DOK7: variants seen among roughly 807,000 people sequenced by gnomAD.
DOK7 encodes the protein protein Dok-7.
A neutral mutation model predicts 30.7 loss-of-function variants in DOK7; 32 were observed. That is an observed-to-expected ratio of 1.04 (90% CI 0.79 to 1.40). The LOEUF (loss-of-function observed/expected upper bound fraction) is 1.40. DOK7 is among the 40% of genes most tolerant of loss of function. DOK7 has a pLI of 0.00. For missense variants in DOK7, 1,007 were observed against 699.2 expected, an observed-to-expected ratio of 1.44 and a Z score of -4.97; for synonymous variants, 447 against 324.1, an observed-to-expected ratio of 1.38 and a Z score of -4.07.
At chr4:3,499,786 C>T (rs1729101431) in intron 6 of DOK7, among the ~76,000 whole-genome samples, 1 of 148,008 alleles carries the variant, frequency 6.8e-6, no homozygotes, top group African/African-American at 2.5e-5. Flanking sequence ...GGGGTGACCC[C>T]GGAGGACAGT....
chr4:3,491,933 C>G (rs559854934), intron 6 of DOK7, among the ~76,000 whole-genome samples: 1 of 152,344 alleles, frequency 6.6e-6, no homozygotes, highest in East Asian at 1.9e-4. Context: ...GGCCAGTGCC[C>G]TCTGATCACT....
chr4:3,475,854 G>A (rs775448067), intron 3 of DOK7, among the ~76,000 whole-genome samples: 1 of 152,128 alleles, frequency 6.6e-6, no homozygotes, highest in East Asian at 1.9e-4. Flanking sequence ...CGTGGTGGGA[G>A]GGGAGGGAGG....
chr4:3,495,701 A>T (rs956791077), downstream of DOK7, among the ~76,000 whole-genome samples: 1 of 151,982 alleles, frequency 6.6e-6, no homozygotes, highest in South Asian at 2.1e-4. Context: ...TGTTTTCTTG[A>T]CGGCCCTGGA....
intron 6 of DOK7, among the ~76,000 whole-genome samples, chr4:3,490,089 C>CATTCCTTTCTTCACCCCCTT (rs1461613651): frequency 7.7e-4 from 29 of 37,576 alleles, no homozygotes; most frequent in African/African-American, 3.6e-3. Context: ...TTCACCCCCT[C>CATTCCTTTCTTCACCCCCTT]ATTCATTCCT....
At position 3,484,891 on chromosome 4, in the gene DOK7, A is replaced by G. The variant is rs148786174; in HGVS notation, c.533-648A>G. 2,187 of 985,046 alleles carry G rather than the reference A, an allele frequency of 2.2e-3. 39 individuals are homozygous for G. The African/African-American group carries it at 0.036, about 16-fold the overall frequency. The allele number at this position is 985,046 out of a possible 1,614,324, so 61.0% of individuals were successfully genotyped here. On this transcript the variant is annotated intron_variant, in intron 4 of 6. Coordinates refer to ENST00000340083, the MANE Select transcript of DOK7 (RefSeq NM_173660.5). The stretch of plus-strand genomic sequence containing the variant: ...AACATCTGAATGCAGCCCTCCCAAC[A>G]GCCCGGGGGAAGGAAGTGTGGTCAC...
At chr4:3,483,842 G>A (rs570377361) in intron 4 of DOK7, among the ~76,000 whole-genome samples, 3 of 152,284 alleles carry the variant, frequency 2.0e-5, no homozygotes, top group South Asian at 2.1e-4. Context: ...ACAGCATGAC[G>A]GCCTTCTCCT....
At position 3,473,543 on chromosome 4, in the gene DOK7, A is replaced by G; in HGVS notation, c.238A>G (p.Ile80Val). The part of the protein sequence containing the change: ...PYEGLVHTLA[I>V]VCLSQAIMLG... ...CGAGGGCCTGGTCCACACGCTGGCC[A>G]TTGTCTGCCTGTCCCAGGCCATCAT... is the stretch of plus-strand genomic sequence containing the variant. Residue 80 changes from isoleucine to valine, a missense_variant, in exon 3 of 7, where the codon ATT becomes GTT. Physicochemically the swap from Ile to Val is conservative, Grantham distance 29. Coordinates refer to ENST00000340083, the MANE Select transcript of DOK7 (RefSeq NM_173660.5). 2 of 1,610,904 alleles carry G rather than the reference A, an allele frequency of 1.2e-6. No individual in the cohort carries two copies. Among genetic ancestry groups the G allele is most frequent in the Non-Finnish European group, 1.7e-6 (2 of 1,179,622 alleles).
chr4:3,496,907 C>T (rs781654957), downstream of DOK7: 28 of 1,235,756 alleles, frequency 2.3e-5, no homozygotes, highest in Middle Eastern at 2.3e-4. Context: ...GACAGGAAGG[C>T]GGGAGTCTGG....
chr4:3,494,396 T>G lies in DOK7; in HGVS notation c.*895T>G, dbSNP rs1055915220. 1 of 985,820 alleles carries G rather than the reference T, an allele frequency of 1.0e-6. No individual in the cohort carries two copies. The highest frequency in any genetic ancestry group is 1.7e-5 in the African/African-American group (1 of 57,268). 61.1% of individuals were successfully genotyped at this position (985,820 alleles called of 1,614,324 possible). A position where few individuals can be genotyped will look rare whatever the true frequency, so the allele number is the denominator to read the frequency against. On this transcript the variant is annotated 3_prime_UTR_variant, in exon 7 of 7. Coordinates refer to ENST00000340083, the MANE Select transcript of DOK7 (RefSeq NM_173660.5). ...CTGACCACAGCCCAGCAGCTCCCTG[T>G]GAACACCTCTTTGTCCCTTCACTGT...
intron 4 of DOK7, among the ~76,000 whole-genome samples, chr4:3,483,640 C>T (rs972383496): frequency 1.3e-5 from 2 of 152,194 alleles, no homozygotes; most frequent in Non-Finnish European, 2.9e-5. Context: ...CGGCTCCACT[C>T]CTTCCGTAAT....
At chr4:3,500,765 C>T (rs756019429) in exon 8 of DOK7, 17 of 1,534,722 alleles carry the variant, frequency 1.1e-5, no homozygotes, top group Admixed American at 3.9e-5. Context: ...GGGTGCGGCA[C>T]GCACGGGCCC....
At chr4:3,467,316 C>T (rs145086532) in intron 2 of DOK7, among the ~76,000 whole-genome samples, 1,635 of 151,946 alleles carry the variant, frequency 0.011, 14 homozygotes, top group Middle Eastern at 0.041. Context: ...GGCTCTCCGC[C>T]CTGGCTGTAA....
Position 3,489,721 on chromosome 4 carries a change from C to T in DOK7, c.697C>T (p.Gln233Ter). Reference sequence around the variant, plus strand: ...CTCGACTGTGGAGGAGCGTGTGGCCCAGGAAGCCCTGGAAACCCTACAGCT... The same window carrying T: ...CTCGACTGTGGAGGAGCGTGTGGCCTAGGAAGCCCTGGAAACCCTACAGCT... The part of the protein sequence containing the change: ...GPSTVEERVA[Q>*]EALETLQLEK... Residue 233 changes from glutamine (Q) to a stop codon, truncating the protein, a stop_gained, in exon 6 of 7, where the codon CAG (glutamine) becomes TAG (stop). Coordinates refer to ENST00000340083, the MANE Select transcript of DOK7 (RefSeq NM_173660.5). LOFTEE classifies it high-confidence loss of function. The T allele has an allele frequency of 6.4e-7, 1 of 1,565,272 alleles. No homozygotes were observed. The highest frequency in any genetic ancestry group is 8.7e-7 in the Non-Finnish European group (1 of 1,155,010).
At position 3,463,554 on chromosome 4, in the gene DOK7, G is replaced by T; in HGVS notation, c.100+3G>T. On this transcript the variant is annotated splice_donor_region_variant and intron_variant, in intron 2 of 6. Transcript: ENST00000340083. ...GCGGAAGCCGTCGCCCGTGGCAGGT[G>T]AGCGGGGCGGGCGGGGGACGGGGGG... 6.6e-7 allele frequency: 1 copy of T among 1,515,098 alleles called. No homozygotes were observed. Among genetic ancestry groups the T allele is most frequent in the South Asian group, 1.2e-5 (1 of 82,878 alleles). The allele number at this position is 1,515,098 out of a possible 1,614,324, so 93.9% of individuals were successfully genotyped here. A position where few individuals can be genotyped will look rare whatever the true frequency, so the allele number is the denominator to read the frequency against.
At position 3,494,132 on chromosome 4, in the gene DOK7, G is replaced by A. The variant is rs2109426779; in HGVS notation, c.*631G>A. On this transcript the variant is annotated 3_prime_UTR_variant, in exon 7 of 7. Transcript: ENST00000340083. ...TGAAGCCCTTGTGGGAAGGTTCCGG[G>A]AGCAGGTGGTGTCCTCAGAGCAGCC... 2.0e-6 allele frequency: 2 copies of A among 985,788 alleles called. No individual in the cohort carries two copies. The highest frequency in any genetic ancestry group is 1.7e-5 in the African/African-American group (1 of 57,378). The allele number at this position is 985,788 out of a possible 1,614,324, so 61.1% of individuals were successfully genotyped here.
rs370879328 is a variant in DOK7 at position 3,473,645 on chromosome 4, C to T, written c.331+9C>T. ...CTATGCGCTCGGCGAGGGTGAGTGA[C>T]GGGGGCCGGGGCCGGGCGGGGGCTC... On this transcript the variant is annotated intron_variant, in intron 3 of 6. Transcript: ENST00000340083. 2,213 of 1,541,634 alleles carry T rather than the reference C, an allele frequency of 1.4e-3. 5 individuals carry two copies. The highest frequency in any genetic ancestry group is 1.8e-3 in the Non-Finnish European group (2,105 of 1,138,112).
At position 3,494,208 on chromosome 4, in the gene DOK7, G is replaced by A; in HGVS notation, c.*707G>A. The A allele has an allele frequency of 1.0e-6, 1 of 985,572 alleles. No individual in the cohort carries two copies. Among genetic ancestry groups the A allele is most frequent in the Non-Finnish European group, 1.2e-6 (1 of 830,008 alleles). The allele number at this position is 985,572 out of a possible 1,614,324, so 61.1% of individuals were successfully genotyped here. On this transcript the variant is annotated 3_prime_UTR_variant, in exon 7 of 7. Transcript: ENST00000340083. ...GCGCCGTGCCTCGGGCCCCTGGTGG[G>A]AGCTCTGCTGGCTCCTGTCTGAACC...
intron 4 of DOK7, among the ~76,000 whole-genome samples, chr4:3,477,713 G>A (rs1004807042): frequency 2.6e-5 from 4 of 152,152 alleles, no homozygotes; most frequent in Admixed American, 6.5e-5. Context: ...CCGGAGTCTC[G>A]GCCCCTGGGG....
rs1466264636 is a variant in DOK7, at chr4:3,494,278, C to T, written c.*777C>T. ...TGGCTTGGCCTGTGTTTCCCCTGGC[C>T]CAGGCCTCAGCCCCTGCGTCGGAGG... On this transcript the variant is annotated 3_prime_UTR_variant, in exon 7 of 7. Transcript: ENST00000340083. 5.1e-6 allele frequency: 5 copies of T among 985,502 alleles called. No individual in the cohort carries two copies. Among genetic ancestry groups the T allele is most frequent in the Non-Finnish European group, 6.0e-6 (5 of 830,066 alleles). 61.0% of individuals were successfully genotyped at this position (985,502 alleles called of 1,614,324 possible).
Sources: allele counts gnomAD v4.1 joint callset (sites outside exome capture counted in the v4.1 genomes callset), GRCh38; gene constraint gnomAD v4.1.1; transcripts MANE v1.5; gene names NCBI Gene and HGNC (gene_info 2026-07-23, HGNC 2026-07-21).